Variants in STK24 observed in about 807,000 individuals in gnomAD.
STK24 encodes serine/threonine-protein kinase 24.
STK24 carries 21 observed loss-of-function variants against 55.6 expected under a neutral mutation model. That is an observed-to-expected ratio of 0.38 (90% CI 0.27 to 0.54). The LOEUF (loss-of-function observed/expected upper bound fraction) is 0.54, where lower values mean the gene tolerates loss of function less well. Among genes scored for constraint, STK24 ranks in the 20% least tolerant of loss-of-function variants. The pLI is 0.79. For missense variants in STK24, 383 were observed against 538.4 expected, an observed-to-expected ratio of 0.71 and a Z score of 2.86; for synonymous variants, 200 against 215.2, an observed-to-expected ratio of 0.93 and a Z score of 0.62.
chr13:98,526,532 G>C (rs1188233976), intron 1 of STK24, among the ~76,000 whole-genome samples: 2 of 152,316 alleles, frequency 1.3e-5, no homozygotes, highest in Admixed American at 1.3e-4. Context: ...GGAGGGGTTT[G>C]AACCTAGCCA....
At chr13:98,522,482 G>A (rs1273676585) in intron 1 of STK24, among the ~76,000 whole-genome samples, 1 of 152,156 alleles carries the variant, frequency 6.6e-6, no homozygotes, top group Non-Finnish European at 1.5e-5. Context: ...TGAAGGAAAG[G>A]CTGTGTTAAA....
At position 98,576,874 on chromosome 13, in the gene STK24, C is replaced by A; in HGVS notation, c.-88G>T. 1 of 914,174 alleles carries A rather than the reference C, an allele frequency of 1.1e-6. No individual in the cohort carries two copies. The highest frequency in any genetic ancestry group is 4.8e-5 in the South Asian group (1 of 20,740). 56.6% of individuals were successfully genotyped at this position (914,174 alleles called of 1,614,324 possible). A position where few individuals can be genotyped will look rare whatever the true frequency, so the allele number is the denominator to read the frequency against. On this transcript the variant is annotated 5_prime_UTR_variant, in exon 1 of 11. Transcript: ENST00000539966. Reference sequence around the variant, plus strand: ...GCGAGGCCCGCGGGCCGCGCGCAGCCCTCGGGCGGCGGGGCCGGCCGGAGC... The same window carrying A: ...GCGAGGCCCGCGGGCCGCGCGCAGCACTCGGGCGGCGGGGCCGGCCGGAGC...
rs184648145 is a variant in STK24 at position 98,484,683 on chromosome 13, C to T, written c.274-2362G>A. ...TGCCAAGCAAACAAGATAAGTTTCACCTGGCTACCTTCTCCTTTTAAGGAG... is the reference window on the plus strand; with the variant it reads ...TGCCAAGCAAACAAGATAAGTTTCATCTGGCTACCTTCTCCTTTTAAGGAG... On this transcript the variant is annotated intron_variant, in intron 2 of 10. Coordinates refer to ENST00000539966, the MANE Select transcript of STK24 (RefSeq NM_001032296.4). Among the ~76,000 whole-genome samples, 606 of 152,270 alleles carry T rather than the reference C, an allele frequency of 4.0e-3. 5 individuals are homozygous for T. The highest frequency in any genetic ancestry group is 6.7e-3 in the Non-Finnish European group (459 of 68,020).
chr13:98,499,848 T>C (rs1369914244), intron 2 of STK24, among the ~76,000 whole-genome samples: 3 of 152,254 alleles, frequency 2.0e-5, no homozygotes, highest in East Asian at 1.9e-4. Context: ...AAGGACTAAA[T>C]GCAGGAGCGT....
rs769578913 is a variant in STK24, at chr13:98,461,762, G to A, written c.1053+12C>T. 5.0e-6 allele frequency: 8 copies of A among 1,613,578 alleles called. No individual in the cohort carries two copies. In the Admixed American group the frequency reaches 8.3e-5, roughly 17 times the overall value. ...GAGGTCAGCGTGGCCATTCTGGAGT[G>A]AGCAGACGTACCTTATTTCTGTCCA... On this transcript the variant is annotated intron_variant, in intron 8 of 10. Coordinates refer to ENST00000539966, the MANE Select transcript of STK24 (RefSeq NM_001032296.4).
intron 5 of STK24, among the ~76,000 whole-genome samples, chr13:98,467,938 C>T (rs1268147299): frequency 3.9e-5 from 6 of 152,204 alleles, no homozygotes; most frequent in African/African-American, 7.2e-5. Flanking sequence ...GTAGAGAACA[C>T]GCCTGAGTCT....
chr13:98,446,068 G>C lies in STK24; in HGVS notation c.*7105C>G. 6.7e-7 allele frequency: 1 copy of C among 1,503,382 alleles called. No homozygotes were observed. The highest frequency in any genetic ancestry group is 9.3e-7 in the Non-Finnish European group (1 of 1,079,498). The allele number at this position is 1,503,382 out of a possible 1,614,324, so 93.1% of individuals were successfully genotyped here. ...TGCCCTCCTGGGGCAGGTGCCCGCT[G>C]TGCTTCTCACAGGCCTCCTTGCCTT... is the stretch of plus-strand genomic sequence containing the variant. On this transcript the variant is annotated 3_prime_UTR_variant, in exon 11 of 11. Coordinates refer to ENST00000539966, the MANE Select transcript of STK24 (RefSeq NM_001032296.4).
intron 8 of STK24, 22 bp downstream of exon 8, chr13:98,461,752 A>G: frequency 3.7e-6 from 6 of 1,613,106 alleles, no homozygotes; most frequent in Non-Finnish European, 5.1e-6. Flanking sequence ...CAGCGTGGCC[A>G]TTCTGGAGTG....
chr13:98,461,702 C>T (rs1893710953), intron 8 of STK24, 72 bp downstream of exon 8: 3 of 1,588,078 alleles, frequency 1.9e-6, no homozygotes, highest in African/African-American at 1.3e-5. Context: ...CCACAGCAAG[C>T]TTCACACACA....
intron 1 of STK24, among the ~76,000 whole-genome samples, chr13:98,538,632 T>C (rs1350400931): frequency 6.6e-6 from 1 of 152,180 alleles, no homozygotes. Flanking sequence ...GCCCAGTCTC[T>C]TGCCACTTCT....
chr13:98,492,090 TG>T (rs1895063795), intron 2 of STK24, among the ~76,000 whole-genome samples: 1 of 151,162 alleles, frequency 6.6e-6, no homozygotes, highest in Admixed American at 6.6e-5. Context: ...TGTGTGTGTG[TG>T]TGTGTGTGTG....
Position 98,542,924 on chromosome 13 carries a change from G to A in STK24, c.43-23451C>T, listed in dbSNP as rs537994048. ...CCAGAACACGCGGCCTGACAGGAAC[G>A]GGTGTATTTGTGGAGACGATGGGAC... On this transcript the variant is annotated intron_variant, in intron 1 of 10. Coordinates refer to ENST00000539966, the MANE Select transcript of STK24 (RefSeq NM_001032296.4). The A allele has an allele frequency of 1.3e-5, 13 of 985,414 alleles. No individual in the cohort carries two copies. The Admixed American group carries it at 4.3e-4, about 33-fold the overall frequency. The allele number at this position is 985,414 out of a possible 1,614,324, so 61.0% of individuals were successfully genotyped here.
chr13:98,516,357 G>A (rs1896057726), intron 2 of STK24, among the ~76,000 whole-genome samples: 1 of 152,198 alleles, frequency 6.6e-6, no homozygotes, highest in African/African-American at 2.4e-5. Flanking sequence ...AGAGCGCACT[G>A]GATAAAGTAT....
chr13:98,576,633 G>T, intron 1 of STK24, 112 bp downstream of exon 1: 1 of 906,412 alleles, frequency 1.1e-6, no homozygotes. Flanking sequence ...GGGGAGCCAG[G>T]CTCCGGCGCG....
chr13:98,515,099 CTG>C (rs1896009504), intron 2 of STK24, among the ~76,000 whole-genome samples: 1 of 110,504 alleles, frequency 9.0e-6, no homozygotes, highest in African/African-American at 3.6e-5. Flanking sequence ...AACAAACCCC[CTG>C]AAAAAAAAAA....
intron 5 of STK24, among the ~76,000 whole-genome samples, chr13:98,466,879 G>T (rs1456597090): frequency 6.6e-6 from 1 of 152,178 alleles, no homozygotes; most frequent in Non-Finnish European, 1.5e-5. Flanking sequence ...GAGCAGAGAG[G>T]AGGAGTCCGG....
At chr13:98,535,373 ATAT>A (rs1896696615) in intron 1 of STK24, among the ~76,000 whole-genome samples, 1 of 22,924 alleles carries the variant, frequency 4.4e-5, no homozygotes. Context: ...AAAAAAAAAT[ATAT>A]ATATATATAT....
chr13:98,489,938 G>A (rs1046606329), intron 2 of STK24, among the ~76,000 whole-genome samples: 2 of 152,224 alleles, frequency 1.3e-5, no homozygotes, highest in African/African-American at 4.8e-5. Context: ...CAAAGTAAAA[G>A]CAATGAGAAA....
intron 3 of STK24, 34 bp from the exon 4 acceptor site, chr13:98,475,392 AATG>A (rs951053252): frequency 6.9e-7 from 1 of 1,445,232 alleles, no homozygotes; most frequent in African/African-American, 1.4e-5. Context: ...AAGTTACTTA[AATG>A]ATTATCTTAT....
Sources: gnomAD v4.1 joint callset for allele counts (sites outside exome capture counted in the v4.1 genomes callset) on GRCh38, gnomAD v4.1.1 for gene constraint, MANE v1.5 for transcripts, NCBI Gene and HGNC (gene_info 2026-07-23, HGNC 2026-07-21) for gene names.